DNAH2: variants seen among roughly 807,000 people sequenced by gnomAD.
DNAH2 encodes axonemal beta dynein heavy chain 2.
DNAH2 carries 323 observed loss-of-function variants against 523.5 expected under a neutral mutation model. The observed-to-expected ratio is 0.62, with a 90% CI of 0.56 to 0.68. The LOEUF (loss-of-function observed/expected upper bound fraction) is 0.68, where lower values mean the gene tolerates loss of function less well. Ranked by LOEUF, DNAH2 falls within the 30% of genes least tolerant of loss-of-function variation. The pLI is 0.00. For missense variants in DNAH2, 4,907 were observed against 5,701.5 expected, an observed-to-expected ratio of 0.86 and a Z score of 4.49; for synonymous variants, 2,093 against 2,177.4, an observed-to-expected ratio of 0.96 and a Z score of 1.08.
intron 46 of DNAH2, 54 bp from the exon 47 acceptor site, chr17:7,792,603 G>A: frequency 6.9e-7 from 1 of 1,458,690 alleles, no homozygotes; most frequent in Non-Finnish European, 9.5e-7. Context: ...GGAAGTGGGA[G>A]TTGGAAAGGA....
intron 18 of DNAH2, among the ~76,000 whole-genome samples, chr17:7,761,256 G>T (rs755471356): frequency 6.6e-6 from 1 of 152,058 alleles, no homozygotes. Context: ...TTAAATAGAA[G>T]ATTATTTTGT....
At chr17:7,749,303 CCCCCCAAAA>C (rs2075604030) in intron 12 of DNAH2, among the ~76,000 whole-genome samples, 455 of 17,630 alleles carry the variant, frequency 0.026, 67 homozygotes, top group Non-Finnish European at 0.044. Flanking sequence ...AGCTAAACTC[CCCCCCAAAA>C]AAAAAAAAAA....
chr17:7,832,001 G>A lies in DNAH2; in HGVS notation c.12726+226G>A, dbSNP rs937377626. The stretch of plus-strand genomic sequence containing the variant: ...AGGGAAAATTACTAACCTCTCCAAG[G>A]ATGTTTCAGAGATTCCCAGTATTGT... On this transcript the variant is annotated intron_variant, in intron 82 of 85. Coordinates refer to ENST00000572933, the MANE Select transcript of DNAH2 (RefSeq NM_020877.5). The surrounding 1 kb of genome is among the most constrained non-coding windows in gnomAD (Gnocchi z 4.3). 1.3e-5 allele frequency among the ~76,000 whole-genome samples: 2 copies of A among 152,116 alleles called. No individual in the cohort carries two copies. The highest frequency in any genetic ancestry group is 2.9e-5 in the Non-Finnish European group (2 of 68,028).
At chr17:7,789,121 G>A (rs1204673720) in intron 44 of DNAH2, among the ~76,000 whole-genome samples, 1 of 152,198 alleles carries the variant, frequency 6.6e-6, no homozygotes, top group Non-Finnish European at 1.5e-5. Flanking sequence ...CCAAGATTGT[G>A]CCACTGCACT....
At chr17:7,779,815 A>C (rs1037631223) in intron 36 of DNAH2, among the ~76,000 whole-genome samples, 1 of 152,194 alleles carries the variant, frequency 6.6e-6, no homozygotes, top group Non-Finnish European at 1.5e-5. Flanking sequence ...GGGATAGGAA[A>C]GGGTTTAGGA....
chr17:7,830,537 C>T (rs374424262), intron 78 of DNAH2, 46 bp downstream of exon 78: 31 of 1,606,758 alleles, frequency 1.9e-5, no homozygotes, highest in African/African-American at 1.2e-4. Context: ...TCTCCTTACA[C>T]GTCCTACCCC....
In DNAH2 at chr17:7,741,006, C is replaced by T; in HGVS notation, c.1689+14C>T. The T allele has an allele frequency of 6.3e-7, 1 of 1,588,458 alleles. No individual in the cohort carries two copies. The highest frequency in any genetic ancestry group is 2.3e-5 in the East Asian group (1 of 44,164). On this transcript the variant is annotated intron_variant, in intron 11 of 85. Transcript: ENST00000572933. The stretch of plus-strand genomic sequence containing the variant: ...AGAGTCATGACCGTAAGTGCCTGGC[C>T]TTCTCCATATTCTGTCGTCAGTGAG...
chr17:7,742,416 G>A (rs1009390072), intron 11 of DNAH2, among the ~76,000 whole-genome samples: 1 of 152,152 alleles, frequency 6.6e-6, no homozygotes, highest in Non-Finnish European at 1.5e-5. Context: ...GGGTGGTGGA[G>A]AGAGACTCTG....
intron 24 of DNAH2, among the ~76,000 whole-genome samples, chr17:7,769,318 T>A (rs1352643113): frequency 6.6e-6 from 1 of 152,140 alleles, no homozygotes; most frequent in Non-Finnish European, 1.5e-5. Flanking sequence ...CCTGCCACCA[T>A]GCTCTGCTAA....
intron 44 of DNAH2, among the ~76,000 whole-genome samples, chr17:7,790,591 T>C (rs2076869693): frequency 6.6e-6 from 1 of 152,230 alleles, no homozygotes; most frequent in South Asian, 2.1e-4. Context: ...AAAATAATAA[T>C]TTTTCATATA....
chr17:7,753,802 G>T (rs945423682), intron 12 of DNAH2, among the ~76,000 whole-genome samples: 11 of 152,040 alleles, frequency 7.2e-5, no homozygotes, highest in African/African-American at 2.2e-4. Context: ...ACAAAAATAA[G>T]CTGGGCATGG....
In DNAH2 at chr17:7,741,238, CTTTCTTTCTT is replaced by C. The variant is rs1399472791; in HGVS notation, c.1689+248_1689+257del. ...CTTCCTTTCTTTTTTTTCTCTCTCT[CTTTCTTTCTT>C]TCTTTCTTTCTTTCTTTCTTTCTTT... On this transcript the variant is annotated intron_variant, in intron 11 of 85. Coordinates refer to ENST00000572933, the MANE Select transcript of DNAH2 (RefSeq NM_020877.5). Among the ~76,000 whole-genome samples, 22 of 23,900 alleles carry C rather than the reference CTTTCTTTCTT, an allele frequency of 9.2e-4. 1 individual carries two copies. Among genetic ancestry groups the C allele is most frequent in the African/African-American group, 3.7e-3 (22 of 5,948 alleles). 15.7% of individuals were successfully genotyped at this position (23,900 alleles called of 152,430 possible).
chr17:7,759,635 T>C, intron 16 of DNAH2, 25 bp downstream of exon 16: 1 of 1,608,310 alleles, frequency 6.2e-7, no homozygotes, highest in Admixed American at 1.7e-5. Flanking sequence ...GCCCCCAACA[T>C]CTCAAAACCA....
rs370510212 is a variant in DNAH2, at chr17:7,797,444, T to C, written c.7994T>C (p.Phe2665Ser). ...RLVDAADTEA[F>S]MGIISDKLGS... ...GTTGATGCGGCAGACACAGAAGCCT[T>C]CATGGGCATCATAAGCGACAAGCTC... is the stretch of plus-strand genomic sequence containing the variant. The change falls in exon 52 of 86, where the codon TTC becomes TCC. Residue 2665 changes from phenylalanine (F) to serine (S), a missense_variant. Physicochemically the swap from Phe to Ser is radical, Grantham distance 155. Transcript: ENST00000572933. The C allele has an allele frequency of 1.1e-5, 18 of 1,614,074 alleles. No individual in the cohort carries two copies. The highest frequency in any genetic ancestry group is 1.5e-5 in the Non-Finnish European group (18 of 1,180,046).
chr17:7,813,293 C>A (rs1445207214), intron 63 of DNAH2, among the ~76,000 whole-genome samples: 1 of 151,042 alleles, frequency 6.6e-6, no homozygotes, highest in Admixed American at 6.6e-5. Context: ...CAGGGTCTTG[C>A]TGTGCTGCTA....
chr17:7,789,640 G>A (rs1021941372), intron 44 of DNAH2, among the ~76,000 whole-genome samples: 3 of 149,396 alleles, frequency 2.0e-5, no homozygotes, highest in African/African-American at 7.4e-5. Flanking sequence ...GCAGTGGCAC[G>A]ATCTCAGCTC....
At chr17:7,792,123 C>T in intron 45 of DNAH2, 54 bp downstream of exon 45, 1 of 1,606,288 alleles carries the variant, frequency 6.2e-7, no homozygotes, top group Non-Finnish European at 8.5e-7. Flanking sequence ...ACCCCCTGGG[C>T]ATCCCCCATC....
chr17:7,831,780 G>A lies in DNAH2; in HGVS notation c.12726+5G>A. On this transcript the variant is annotated splice_donor_5th_base_variant and intron_variant, in intron 82 of 85. Coordinates refer to ENST00000572933, the MANE Select transcript of DNAH2 (RefSeq NM_020877.5). The surrounding 1 kb of genome is among the most constrained non-coding windows in gnomAD (Gnocchi z 4.2). Reference sequence around the variant, plus strand: ...GTTCCTCCGCTCTGGGGAAAGGCAAGATTATACCATTGTTGATCCTTCTCC... The same window carrying A: ...GTTCCTCCGCTCTGGGGAAAGGCAAAATTATACCATTGTTGATCCTTCTCC... 1 of 1,610,448 alleles carries A rather than the reference G, an allele frequency of 6.2e-7. No homozygotes were observed. Among genetic ancestry groups the A allele is most frequent in the Non-Finnish European group, 8.5e-7 (1 of 1,177,056 alleles).
chr17:7,758,703 A>T, intron 14 of DNAH2, 52 bp downstream of exon 14: 5 of 1,583,376 alleles, frequency 3.2e-6, no homozygotes, highest in Non-Finnish European at 4.3e-6. Context: ...TGGGTCATTT[A>T]TACCTGAGTG....
Sources: allele counts gnomAD v4.1 joint callset (sites outside exome capture counted in the v4.1 genomes callset), GRCh38; gene constraint gnomAD v4.1.1; non-coding constraint Gnocchi (gnomAD v3.1); transcripts MANE v1.5; gene names NCBI Gene and HGNC (gene_info 2026-07-23, HGNC 2026-07-21).